PRICKLE1: variants seen among roughly 807,000 people sequenced by gnomAD.
PRICKLE1 encodes prickle planar cell polarity protein 1, also known as prickle-like protein 1.
A neutral mutation model predicts 70.2 loss-of-function variants in PRICKLE1; 14 were observed. The ratio of observed to expected loss-of-function variants is 0.20; its 90% CI spans 0.13 to 0.31. The LOEUF is 0.31. Among genes scored for constraint, PRICKLE1 ranks in the 10% least tolerant of loss-of-function variants. The probability of loss-of-function intolerance (pLI) is 1.00; values close to 1 mark genes in which losing one functional copy is unlikely to be tolerated. For synonymous variants in PRICKLE1, 357 were observed against 379.9 expected (o/e 0.94, Z 0.70); for missense variants, 821 against 1,026.2 (o/e 0.80, Z 2.73).
chr12:42,526,376 T>A (rs1939798711), intron 1 of PRICKLE1, among the ~76,000 whole-genome samples: 1 of 151,506 alleles, frequency 6.6e-6, no homozygotes, highest in African/African-American at 2.4e-5. Context: ...TGCTGAGGAG[T>A]TGGCGGGGGC....
intron 1 of PRICKLE1, among the ~76,000 whole-genome samples, chr12:42,511,077 A>C (rs1289192766): frequency 1.3e-5 from 2 of 152,198 alleles, no homozygotes; most frequent in African/African-American, 4.8e-5. Context: ...CCTCACTGTG[A>C]TGTTTACACA....
At position 42,460,631 on chromosome 12, in the gene PRICKLE1, T is replaced by C. The variant is rs1205332897; in HGVS notation, c.1674A>G (p.Pro558=). 4 of 1,611,868 alleles carry C rather than the reference T, an allele frequency of 2.5e-6. No individual in the cohort carries two copies. In the South Asian group the frequency reaches 3.3e-5, roughly 13 times the overall value. Residue 558 remains proline, a synonymous_variant, in exon 8 of 8, where the codon CCA becomes CCG. Transcript: ENST00000345127. ...ASVDGENKPR[P]SLYSLQNFEE... ...CAAAATTTTGCAGAGAATACAATGA[T>C]GGCCTTGGCTTGTTTTCTCCATCCA...
In PRICKLE1 at chr12:42,466,394, T is replaced by A. The variant is rs1227440485; in HGVS notation, c.589-14A>T. The stretch of plus-strand genomic sequence containing the variant: ...AGCAAAAATTATCTTCAAAAAGAAA[T>A]GTGAAACCAGAGAATGAAAGAAAAT... On this transcript the variant is annotated splice_polypyrimidine_tract_variant and intron_variant, in intron 5 of 7. Transcript: ENST00000345127. 6.2e-7 allele frequency: 1 copy of A among 1,612,944 alleles called. No individual in the cohort carries two copies. Among genetic ancestry groups the A allele is most frequent in the Admixed American group, 1.7e-5 (1 of 60,016 alleles).
chr12:42,459,726 C>T lies in PRICKLE1; in HGVS notation c.*83G>A. 6.5e-7 allele frequency: 1 copy of T among 1,546,134 alleles called. No individual in the cohort carries two copies. Among genetic ancestry groups the T allele is most frequent in the Non-Finnish European group, 8.9e-7 (1 of 1,122,062 alleles). ...CAAAGAAAGCACTTTAAACTATTTT[C>T]ACAACTTTCCTACGGAAGAAAAGGA... On this transcript the variant is annotated 3_prime_UTR_variant, in exon 8 of 8. Coordinates refer to ENST00000345127, the MANE Select transcript of PRICKLE1 (RefSeq NM_153026.3).
At chr12:42,518,241 A>C (rs780431580) in intron 1 of PRICKLE1, among the ~76,000 whole-genome samples, 28 of 152,016 alleles carry the variant, frequency 1.8e-4, no homozygotes, top group Non-Finnish European at 3.5e-4. Context: ...ATGGGGTTTC[A>C]ACATGTTGCC....
intron 1 of PRICKLE1, among the ~76,000 whole-genome samples, chr12:42,575,566 C>T (rs1940790849): frequency 6.6e-6 from 1 of 151,942 alleles, no homozygotes; most frequent in African/African-American, 2.4e-5. Context: ...TGGTGGTGGG[C>T]ACCTGTAATT....
chr12:42,459,315 AG>A lies in PRICKLE1; in HGVS notation c.*493del, dbSNP rs1213366181. ...CAATACAATGTTTACCTGGCCAAAG[AG>A]GGTTCGAGGGGACAAGCTGGCCTCA... On this transcript the variant is annotated 3_prime_UTR_variant, in exon 8 of 8. Transcript: ENST00000345127. 1.0e-5 allele frequency: 7 copies of A among 702,156 alleles called. No homozygotes were observed. Among genetic ancestry groups the A allele is most frequent in the African/African-American group, 3.5e-5 (2 of 57,166 alleles). The allele number at this position is 702,156 out of a possible 1,614,324, so 43.5% of individuals were successfully genotyped here. A position where few individuals can be genotyped will look rare whatever the true frequency, so the allele number is the denominator to read the frequency against.
chr12:42,477,797 A>G (rs1313020485), intron 1 of PRICKLE1, among the ~76,000 whole-genome samples: 4 of 152,108 alleles, frequency 2.6e-5, no homozygotes, highest in African/African-American at 9.7e-5. Context: ...GGTTGATCAC[A>G]TGAAACGGGC....
At chr12:42,561,539 G>A (rs558381493) in intron 1 of PRICKLE1, among the ~76,000 whole-genome samples, 1 of 152,306 alleles carries the variant, frequency 6.6e-6, no homozygotes, top group Admixed American at 6.5e-5. Flanking sequence ...TTCTGTCCAA[G>A]AATGTATAAA....
At chr12:42,522,809 C>T (rs1046603503) in intron 1 of PRICKLE1, among the ~76,000 whole-genome samples, 3 of 152,124 alleles carry the variant, frequency 2.0e-5, no homozygotes, top group African/African-American at 4.8e-5. Flanking sequence ...GGATATATTA[C>T]ATAAATTTGA....
intron 1 of PRICKLE1, among the ~76,000 whole-genome samples, chr12:42,567,177 T>C (rs1279822518): frequency 2.0e-5 from 3 of 152,226 alleles, no homozygotes; most frequent in Non-Finnish European, 4.4e-5. Context: ...AGCTCCTCGA[T>C]GGATACCATC....
intron 1 of PRICKLE1, among the ~76,000 whole-genome samples, chr12:42,563,526 C>A (rs545527429): frequency 3.3e-5 from 5 of 150,848 alleles, no homozygotes. Context: ...AGTGAAACCC[C>A]GTCTCTACTA....
chr12:42,541,343 T>C (rs1049839510), intron 1 of PRICKLE1, among the ~76,000 whole-genome samples: 3 of 152,032 alleles, frequency 2.0e-5, no homozygotes, highest in African/African-American at 7.2e-5. Context: ...TCTTCTCTTT[T>C]TTTTTTCTTT....
At chr12:42,573,477 C>T (rs1427213932) in intron 1 of PRICKLE1, among the ~76,000 whole-genome samples, 2 of 152,000 alleles carry the variant, frequency 1.3e-5, no homozygotes, top group Admixed American at 6.6e-5. Flanking sequence ...TACAAAGAGG[C>T]GACTTAAACA....
chr12:42,532,912 T>C (rs978951162), intron 1 of PRICKLE1, among the ~76,000 whole-genome samples: 2 of 113,020 alleles, frequency 1.8e-5, no homozygotes, highest in African/African-American at 3.2e-5. Flanking sequence ...AAAAAAAAAA[T>C]TGTGTTTGGA....
chr12:42,551,162 C>A (rs769913101), intron 1 of PRICKLE1, among the ~76,000 whole-genome samples: 1 of 152,144 alleles, frequency 6.6e-6, no homozygotes, highest in Non-Finnish European at 1.5e-5. Context: ...TTTATCAGCA[C>A]CACCCTTGTT....
At chr12:42,520,065 T>A (rs1939683005) in intron 1 of PRICKLE1, among the ~76,000 whole-genome samples, 1 of 152,098 alleles carries the variant, frequency 6.6e-6, no homozygotes, top group South Asian at 2.1e-4. Context: ...GACCACTGCT[T>A]TATATGGGGT....
At chr12:42,476,023 C>T (rs1273431617) in intron 1 of PRICKLE1, among the ~76,000 whole-genome samples, 12 of 146,760 alleles carry the variant, frequency 8.2e-5, no homozygotes, top group Middle Eastern at 3.6e-3. Flanking sequence ...TTGCTTGAAC[C>T]GGAAGTTGCA....
At chr12:42,531,256 C>T (rs1001605132) in intron 1 of PRICKLE1, among the ~76,000 whole-genome samples, 7 of 150,864 alleles carry the variant, frequency 4.6e-5, no homozygotes, top group African/African-American at 7.3e-5. Context: ...CCGTGTTAGC[C>T]AGGATGGTCT....
Sources: gnomAD v4.1 joint callset for allele counts (sites outside exome capture counted in the v4.1 genomes callset) on GRCh38, gnomAD v4.1.1 for gene constraint, MANE v1.5 for transcripts, NCBI Gene and HGNC (gene_info 2026-07-23, HGNC 2026-07-21) for gene names.